NGLY1: variants seen among roughly 807,000 people sequenced by gnomAD.
The protein encoded by NGLY1 is peptide-N(4)-(N-acetyl-beta-glucosaminyl)asparagine amidase.
In NGLY1, 68 loss-of-function variants were observed where a neutral mutation model predicts 84.6. That is an observed-to-expected ratio of 0.80 (90% CI 0.66 to 0.98). The LOEUF (loss-of-function observed/expected upper bound fraction) is 0.98. Ranked by LOEUF, NGLY1 falls within the 50% of genes least tolerant of loss-of-function variation. The probability of loss-of-function intolerance (pLI) is 0.00; values close to 1 mark genes in which losing one functional copy is unlikely to be tolerated. For synonymous variants in NGLY1, 280 were observed against 275.2 expected (o/e 1.02, Z -0.17); for missense variants, 779 against 770.2 (o/e 1.01, Z -0.14).
At chr3:25,737,993 T>C (rs890475284) in intron 5 of NGLY1, among the ~76,000 whole-genome samples, 2 of 152,324 alleles carry the variant, frequency 1.3e-5, no homozygotes, top group African/African-American at 4.8e-5. Context: ...TTTAAATATA[T>C]GGCAGAATGT....
chr3:25,741,215 T>C (rs1196627859), intron 4 of NGLY1, among the ~76,000 whole-genome samples: 4 of 151,874 alleles, frequency 2.6e-5, no homozygotes, highest in African/African-American at 4.8e-5. Flanking sequence ...CAACACAACT[T>C]TGAGCAAGAA....
chr3:25,721,998 A>G (rs1349020401), intron 10 of NGLY1, among the ~76,000 whole-genome samples: 1 of 151,760 alleles, frequency 6.6e-6, no homozygotes, highest in Non-Finnish European at 1.5e-5. Flanking sequence ...CAGTCGGATC[A>G]CTTGAGGTTA....
chr3:25,769,932 C>G (rs1326957221), intron 2 of NGLY1, among the ~76,000 whole-genome samples: 3 of 151,986 alleles, frequency 2.0e-5, no homozygotes, highest in Non-Finnish European at 4.4e-5. Flanking sequence ...TCCCTCGCAC[C>G]CTTCCCACTT....
intron 10 of NGLY1, among the ~76,000 whole-genome samples, chr3:25,727,148 C>T (rs1410528799): frequency 1.3e-5 from 2 of 152,106 alleles, no homozygotes; most frequent in African/African-American, 2.4e-5. Context: ...TAAGTTATAA[C>T]GACAATTGTT....
intron 3 of NGLY1, among the ~76,000 whole-genome samples, chr3:25,758,628 ATCC>A (rs1347418024): frequency 2.0e-5 from 3 of 152,244 alleles, no homozygotes; most frequent in Non-Finnish European, 4.4e-5. Context: ...TACTATTTAG[ATCC>A]TCTTTACATT....
chr3:25,725,339 G>T (rs895217465), intron 10 of NGLY1, among the ~76,000 whole-genome samples: 4 of 152,218 alleles, frequency 2.6e-5, no homozygotes, highest in African/African-American at 9.6e-5. Flanking sequence ...GGGGCTCCAT[G>T]TGCCTTCCTA....
intron 2 of NGLY1, among the ~76,000 whole-genome samples, chr3:25,775,921 T>C (rs988336323): frequency 3.3e-5 from 5 of 152,234 alleles, no homozygotes; most frequent in Admixed American, 3.3e-4. Flanking sequence ...GATATGTTCA[T>C]TACACATTTG....
chr3:25,742,280 G>T (rs1339276195), intron 4 of NGLY1, among the ~76,000 whole-genome samples: 1 of 152,128 alleles, frequency 6.6e-6, no homozygotes, highest in Admixed American at 6.6e-5. Flanking sequence ...CTCCACTGTG[G>T]TGGCATTTAG....
chr3:25,739,445 C>T lies in NGLY1; in HGVS notation c.881+132G>A, dbSNP rs1246228878. On this transcript the variant is annotated intron_variant, in intron 5 of 11. Coordinates refer to ENST00000280700, the MANE Select transcript of NGLY1 (RefSeq NM_018297.4). ...TGTCGGCTGGATTTAGCCTGCCAGCCACGGTTTGCTCACCGGTATTTTAGA... is the reference window on the plus strand; with the variant it reads ...TGTCGGCTGGATTTAGCCTGCCAGCTACGGTTTGCTCACCGGTATTTTAGA... 5.9e-6 allele frequency: 5 copies of T among 851,710 alleles called. No individual in the cohort carries two copies. The Admixed American group carries it at 8.6e-5, about 15-fold the overall frequency. The allele number at this position is 851,710 out of a possible 1,614,324, so 52.8% of individuals were successfully genotyped here. A position where few individuals can be genotyped will look rare whatever the true frequency, so the allele number is the denominator to read the frequency against.
chr3:25,785,245 A>G (rs1214537562), upstream of NGLY1, among the ~76,000 whole-genome samples: 1 of 151,916 alleles, frequency 6.6e-6, no homozygotes, highest in Non-Finnish European at 1.5e-5. Context: ...AGGCCTCATC[A>G]AGATAAAAGG....
At chr3:25,769,257 A>C (rs777467381) in intron 2 of NGLY1, among the ~76,000 whole-genome samples, 1 of 152,176 alleles carries the variant, frequency 6.6e-6, no homozygotes, top group Non-Finnish European at 1.5e-5. Flanking sequence ...ACTATTCAGG[A>C]GGTTGAGGCA....
chr3:25,764,013 C>A lies in NGLY1; in HGVS notation c.492+53G>T, dbSNP rs1707433579. 3 of 1,589,786 alleles carry A rather than the reference C, an allele frequency of 1.9e-6. No homozygotes were observed. The African/African-American group carries it at 4.0e-5, about 21-fold the overall frequency. On this transcript the variant is annotated intron_variant, in intron 3 of 11. Transcript: ENST00000280700. Reference sequence around the variant, plus strand: ...ATCATAACACATTCCAAAGCTTTTGCTGTTTCAACACTTTGAAAGAAACAG... The same window carrying A: ...ATCATAACACATTCCAAAGCTTTTGATGTTTCAACACTTTGAAAGAAACAG...
At chr3:25,751,019 G>A in intron 4 of NGLY1, 79 bp downstream of exon 4, 1 of 1,398,120 alleles carries the variant, frequency 7.2e-7, no homozygotes. Context: ...GTTCTTCAAG[G>A]GTCAGTTGTA....
Position 25,764,069 on chromosome 3 carries a change from T to C in NGLY1, c.489A>G (p.Ser163=). Residue 163 remains serine (S), a synonymous_variant, in exon 3 of 12, where the codon TCA becomes TCG. Coordinates refer to ENST00000280700, the MANE Select transcript of NGLY1 (RefSeq NM_018297.4). ...QGQSSDPPSA[S]TVAADSAILE... ...GAAGGTTTAATTCTAACATTACCGT[T>C]GAAGCAGATGGTGGATCTGATGACT... 1 of 1,614,092 alleles carries C rather than the reference T, an allele frequency of 6.2e-7. No individual in the cohort carries two copies. Among genetic ancestry groups the C allele is most frequent in the South Asian group, 1.1e-5 (1 of 91,076 alleles).
chr3:25,734,072 A>G, intron 7 of NGLY1, 90 bp from the exon 8 acceptor site: 1 of 1,538,870 alleles, frequency 6.5e-7, no homozygotes, highest in Non-Finnish European at 8.8e-7. Context: ...TAATTTTTAA[A>G]TGCATTTTTT....
At chr3:25,787,302 T>C (rs905810251), upstream of NGLY1, among the ~76,000 whole-genome samples, 2 of 152,148 alleles carry the variant, frequency 1.3e-5, no homozygotes, top group Admixed American at 1.3e-4. Flanking sequence ...TCATGTACAA[T>C]ATCCTAGTAA....
upstream of NGLY1, among the ~76,000 whole-genome samples, chr3:25,787,023 A>G (rs551985058): frequency 6.6e-6 from 1 of 152,374 alleles, no homozygotes; most frequent in South Asian, 2.1e-4. Flanking sequence ...AAGCAACAGC[A>G]GCATCAGCAG....
chr3:25,764,096 C>A lies in NGLY1; in HGVS notation c.462G>T (p.Gly154=). 1 of 1,614,138 alleles carries A rather than the reference C, an allele frequency of 6.2e-7. No homozygotes were observed. The highest frequency in any genetic ancestry group is 8.5e-7 in the Non-Finnish European group (1 of 1,180,026). Residue 154 remains glycine (G), a synonymous_variant, in exon 3 of 12, where the codon GGG becomes GGT. Coordinates refer to ENST00000280700, the MANE Select transcript of NGLY1 (RefSeq NM_018297.4). ...AAGCAGATGGTGGATCTGATGACTGCCCTTGACGGTTCCTTGTGTGCTGGT... is the reference window on the plus strand; with the variant it reads ...AAGCAGATGGTGGATCTGATGACTGACCTTGACGGTTCCTTGTGTGCTGGT... ...GLNQHTRNRQ[G]QSSDPPSAST...
In NGLY1 at chr3:25,783,284, A is replaced by G; in HGVS notation, c.107T>C (p.Leu36Pro). The G allele has an allele frequency of 6.2e-7, 1 of 1,609,018 alleles. No individual in the cohort carries two copies. The highest frequency in any genetic ancestry group is 8.5e-7 in the Non-Finnish European group (1 of 1,177,832). The change falls in exon 1 of 12, where the codon CTC becomes CCC. Residue 36 changes from leucine to proline, a missense_variant. By Grantham distance (98) the Leu-to-Pro change is moderately conservative. Transcript: ENST00000280700. This position sits in a 1 kb window ranked among gnomAD's most constrained non-coding sequence, Gnocchi z 4.5. ...ETFLEASKLLLTYADNILRNP... is the reference protein window; with the variant it reads ...ETFLEASKLLPTYADNILRNP... Reference sequence around the variant, plus strand: ...CCTGAGGATGTTGTCAGCATAGGTGAGCAGCAGCTTGGAGGCCTCCAAAAA... The same window carrying G: ...CCTGAGGATGTTGTCAGCATAGGTGGGCAGCAGCTTGGAGGCCTCCAAAAA...
Sources: gnomAD v4.1 joint callset for allele counts (sites outside exome capture counted in the v4.1 genomes callset) on GRCh38, gnomAD v4.1.1 for gene constraint, Gnocchi (gnomAD v3.1) non-coding constraint, MANE v1.5 for transcripts, NCBI Gene and HGNC (gene_info 2026-07-23, HGNC 2026-07-21) for gene names.